The following SFSWAP variants were observed in gnomAD, a reference collection of about 807,000 sequenced individuals.
The protein encoded by SFSWAP is splicing factor SWAP.
SFSWAP carries 17 observed loss-of-function variants against 100.7 expected under a neutral mutation model. That is an observed-to-expected ratio of 0.17 (90% CI 0.12 to 0.25). SFSWAP has a LOEUF of 0.25. Among genes scored for constraint, SFSWAP ranks in the 10% least tolerant of loss-of-function variants. The pLI, the probability that SFSWAP is intolerant of heterozygous loss-of-function variation, is 1.00. For synonymous variants in SFSWAP, 504 were observed against 510.1 expected, an observed-to-expected ratio of 0.99 and a Z score of 0.16; for missense variants, 1,005 against 1,262.6, an observed-to-expected ratio of 0.80 and a Z score of 3.09.
At chr12:131,796,687 C>T (rs1298400486) in intron 15 of SFSWAP, 3 of 153,034 alleles carry the variant, frequency 2.0e-5, no homozygotes, top group African/African-American at 7.2e-5. Flanking sequence ...GAGGCTGAGG[C>T]AGGAGGTTGC....
At chr12:131,754,725 C>G (rs1882002259) in intron 9 of SFSWAP, among the ~76,000 whole-genome samples, 1 of 146,230 alleles carries the variant, frequency 6.8e-6, no homozygotes, top group Non-Finnish European at 1.5e-5. Flanking sequence ...CCTCTACCTC[C>G]TGGGCTCAAG....
chr12:131,783,792 T>TTTTATATATATATA lies in SFSWAP; in HGVS notation c.2409-2670_2409-2669insTTATATATATATAT, dbSNP rs1312028614. ...AGACTCCGTCTCAAAAAAAAACATT[T>TTTTATATATATATA]TATATATATATATATATATATATAT... On this transcript the variant is annotated intron_variant, in intron 14 of 17. Coordinates refer to ENST00000261674, the MANE Select transcript of SFSWAP (RefSeq NM_004592.4). 1.4e-4 allele frequency: 12 copies of TTTTATATATATATA among 86,684 alleles called. 1 individual carries two copies. The highest frequency in any genetic ancestry group is 1.1e-3 in the Admixed American group (7 of 6,534). 5.4% of individuals were successfully genotyped at this position (86,684 alleles called of 1,614,324 possible). A position where few individuals can be genotyped will look rare whatever the true frequency, so the allele number is the denominator to read the frequency against.
chr12:131,795,131 A>T (rs1445887574), intron 15 of SFSWAP, among the ~76,000 whole-genome samples: 12 of 152,254 alleles, frequency 7.9e-5, no homozygotes, highest in Admixed American at 7.9e-4. Flanking sequence ...AACAGTAAAC[A>T]ACATGTTGTC....
chr12:131,754,146 T>C (rs755737468), intron 8 of SFSWAP, among the ~76,000 whole-genome samples: 14 of 152,202 alleles, frequency 9.2e-5, no homozygotes, highest in Non-Finnish European at 1.6e-4. Context: ...AAAATGCACC[T>C]TTTATCACTA....
chr12:131,731,901 CTTTTTTTT>C (rs755819493), intron 7 of SFSWAP, among the ~76,000 whole-genome samples: 9 of 55,310 alleles, frequency 1.6e-4, no homozygotes, highest in African/African-American at 4.3e-4. Context: ...TACTATTTTA[CTTTTTTTT>C]TTTTTTTTTT....
intron 7 of SFSWAP, among the ~76,000 whole-genome samples, chr12:131,739,771 C>A (rs1168344585): frequency 6.6e-6 from 1 of 151,832 alleles, no homozygotes; most frequent in Non-Finnish European, 1.5e-5. Context: ...TCTCAATCTC[C>A]TGACCTCGTG....
At chr12:131,731,469 G>A (rs958890460) in intron 7 of SFSWAP, among the ~76,000 whole-genome samples, 1 of 152,190 alleles carries the variant, frequency 6.6e-6, no homozygotes, top group African/African-American at 2.4e-5. Flanking sequence ...CAGAATTTGG[G>A]GTCCTGTGTG....
intron 16 of SFSWAP, 58 bp downstream of exon 16, chr12:131,797,418 C>A: frequency 6.9e-7 from 1 of 1,449,664 alleles, no homozygotes; most frequent in Non-Finnish European, 9.4e-7. Context: ...GCCAGCAGGA[C>A]TCTCCCTCCT....
chr12:131,799,563 A>G lies in SFSWAP; in HGVS notation c.*75A>G, dbSNP rs931317457. ...GGCTCACGCAGACGCCGGCCACACC[A>G]TCCACCTGGCCGCCTCCATGGACCC... is the stretch of plus-strand genomic sequence containing the variant. On this transcript the variant is annotated 3_prime_UTR_variant, in exon 18 of 18. Transcript: ENST00000261674. 7 of 1,266,792 alleles carry G rather than the reference A, an allele frequency of 5.5e-6. No individual in the cohort carries two copies. In the East Asian group the frequency reaches 7.2e-5, roughly 13 times the overall value. The allele number at this position is 1,266,792 out of a possible 1,614,324, so 78.5% of individuals were successfully genotyped here.
chr12:131,797,144 A>G, intron 15 of SFSWAP, 34 bp from the exon 16 acceptor site: 1 of 1,587,698 alleles, frequency 6.3e-7, no homozygotes, highest in Non-Finnish European at 8.6e-7. Context: ...TTTAAACCAA[A>G]GCTGCATCTC....
chr12:131,767,856 G>C (rs897132074), intron 13 of SFSWAP, among the ~76,000 whole-genome samples: 2 of 152,130 alleles, frequency 1.3e-5, no homozygotes, highest in Non-Finnish European at 2.9e-5. Flanking sequence ...GGAGGGAGGA[G>C]GGTGAAGATC....
rs755924490 is a variant in SFSWAP, at chr12:131,786,601, G to A, written c.2534+13G>A. The A allele has an allele frequency of 1.3e-6, 2 of 1,586,422 alleles. No individual in the cohort carries two copies. The highest frequency in any genetic ancestry group is 2.7e-5 in the African/African-American group (2 of 74,676). On this transcript the variant is annotated intron_variant, in intron 15 of 17. Coordinates refer to ENST00000261674, the MANE Select transcript of SFSWAP (RefSeq NM_004592.4). ...GGACCCGCTCCAGGTAGGCCACTGG[G>A]TGTGCACGCAGGTGCTGGATGTGGG...
At position 131,779,808 on chromosome 12, in the gene SFSWAP, G is replaced by A. The variant is rs191329199; in HGVS notation, c.2408+1478G>A. On this transcript the variant is annotated intron_variant, in intron 14 of 17. Coordinates refer to ENST00000261674, the MANE Select transcript of SFSWAP (RefSeq NM_004592.4). ...TTTATTCATTTATTTATTTAGAGAC[G>A]GAGTTTTTGCTCTTGTTTCCCAGGT... Among the ~76,000 whole-genome samples the A allele has an allele frequency of 5.3e-4, 80 of 152,226 alleles. 1 individual carries two copies. Among genetic ancestry groups the A allele is most frequent in the Non-Finnish European group, 7.8e-4 (53 of 68,022 alleles).
intron 11 of SFSWAP, among the ~76,000 whole-genome samples, chr12:131,759,212 A>G (rs1044170353): frequency 1.3e-5 from 2 of 152,232 alleles, no homozygotes; most frequent in East Asian, 3.8e-4. Flanking sequence ...TTCTAAGAAA[A>G]CATAAGTGCT....
At position 131,719,682 on chromosome 12, in the gene SFSWAP, G is replaced by T; in HGVS notation, c.606+143G>T. 3 of 662,104 alleles carry T rather than the reference G, an allele frequency of 4.5e-6. No individual in the cohort carries two copies. In the South Asian group the frequency reaches 5.8e-5, roughly 13 times the overall value. The allele number at this position is 662,104 out of a possible 1,614,324, so 41.0% of individuals were successfully genotyped here. A position where few individuals can be genotyped will look rare whatever the true frequency, so the allele number is the denominator to read the frequency against. ...TGGTTTGTGAGTTAATGGAGAAAAA[G>T]ATCACACCCTATTTATTTTCCCCAA... On this transcript the variant is annotated intron_variant, in intron 4 of 17. Coordinates refer to ENST00000261674, the MANE Select transcript of SFSWAP (RefSeq NM_004592.4).
chr12:131,718,789 A>G (rs954358174), intron 3 of SFSWAP, among the ~76,000 whole-genome samples: 1 of 152,172 alleles, frequency 6.6e-6, no homozygotes, highest in African/African-American at 2.4e-5. Flanking sequence ...AGCGGAGGGG[A>G]AAAGGAACAT....
At chr12:131,795,311 G>A (rs932647645) in intron 15 of SFSWAP, among the ~76,000 whole-genome samples, 2 of 152,174 alleles carry the variant, frequency 1.3e-5, no homozygotes, top group African/African-American at 4.8e-5. Context: ...CAGGTCTGGC[G>A]CTGCTGCTTA....
At chr12:131,720,369 G>A (rs1045012033) in intron 4 of SFSWAP, among the ~76,000 whole-genome samples, 3 of 152,192 alleles carry the variant, frequency 2.0e-5, no homozygotes, top group African/African-American at 7.2e-5. Context: ...AACTGGGAAC[G>A]TTGGTCTTAA....
intron 7 of SFSWAP, among the ~76,000 whole-genome samples, chr12:131,731,054 C>CCCA (rs1879455142): frequency 6.6e-6 from 1 of 152,220 alleles, no homozygotes; most frequent in Admixed American, 6.5e-5. Flanking sequence ...CCACCACAGT[C>CCCA]CCACCCATCT....
Sources: allele counts gnomAD v4.1 joint callset (sites outside exome capture counted in the v4.1 genomes callset), GRCh38; gene constraint gnomAD v4.1.1; transcripts MANE v1.5; gene names NCBI Gene and HGNC (gene_info 2026-07-23, HGNC 2026-07-21).